QPCTL: variants seen among roughly 807,000 people sequenced by gnomAD.
QPCTL encodes glutaminyl-peptide cyclotransferase-like protein.
Under a neutral mutation model 34.6 loss-of-function variants are expected in QPCTL, and 31 were observed. The ratio of observed to expected loss-of-function variants is 0.90; its 90% CI spans 0.67 to 1.21. QPCTL has a LOEUF of 1.21. QPCTL is among the 50% of genes most tolerant of loss of function. The pLI, the probability that QPCTL is intolerant of heterozygous loss-of-function variation, is 0.00. For missense variants in QPCTL, 474 were observed against 507.8 expected, an observed-to-expected ratio of 0.93 and a Z score of 0.64; for synonymous variants, 223 against 226.9, an observed-to-expected ratio of 0.98 and a Z score of 0.15.
intron 3 of QPCTL, among the ~76,000 whole-genome samples, chr19:45,696,909 G>A (rs1967708018): frequency 6.6e-6 from 1 of 150,678 alleles, no homozygotes; most frequent in Admixed American, 6.6e-5. Flanking sequence ...GATCATTTGA[G>A]GTCAGAAGTT....
intron 3 of QPCTL, among the ~76,000 whole-genome samples, chr19:45,696,085 C>G (rs564599417): frequency 6.6e-5 from 10 of 151,976 alleles, no homozygotes; most frequent in Non-Finnish European, 1.3e-4. Flanking sequence ...TCCTCTCCCC[C>G]AAACCCTCCC....
Position 45,703,178 on chromosome 19 carries a change from CT to C in QPCTL, c.*130del. 5 of 1,191,038 alleles carry C rather than the reference CT, an allele frequency of 4.2e-6. No individual in the cohort carries two copies. Among genetic ancestry groups the C allele is most frequent in the Non-Finnish European group, 5.9e-6 (5 of 847,508 alleles). The allele number at this position is 1,191,038 out of a possible 1,614,324, so 73.8% of individuals were successfully genotyped here. ...TTCATACCTTTGTCTCCTAATTGTGCTACAATTGGAAGACCTTCTTTCTTTT... is the reference window on the plus strand; with the variant it reads ...TTCATACCTTTGTCTCCTAATTGTGCACAATTGGAAGACCTTCTTTCTTTT... On this transcript the variant is annotated 3_prime_UTR_variant, in exon 7 of 7. Transcript: ENST00000012049.
chr19:45,699,033 T>C, intron 5 of QPCTL, 133 bp downstream of exon 5: 1 of 279,534 alleles, frequency 3.6e-6, no homozygotes, highest in South Asian at 7.9e-5. Context: ...GACCCCATCT[T>C]TTTTTTTTTT....
chr19:45,696,700 C>A (rs560122011), intron 3 of QPCTL, among the ~76,000 whole-genome samples: 38 of 151,176 alleles, frequency 2.5e-4, no homozygotes, highest in Non-Finnish European at 4.7e-4. Context: ...GATCGTGCCA[C>A]TGTATTCTAG....
chr19:45,701,427 C>A (rs947418804), intron 5 of QPCTL, among the ~76,000 whole-genome samples: 1 of 152,026 alleles, frequency 6.6e-6, no homozygotes, highest in African/African-American at 2.4e-5. Flanking sequence ...AGGCGCCCAC[C>A]ACCACACCCA....
chr19:45,693,621 G>T, intron 2 of QPCTL, 65 bp downstream of exon 2: 1 of 1,511,650 alleles, frequency 6.6e-7, no homozygotes, highest in South Asian at 1.3e-5. Context: ...TAAGAATCCT[G>T]TTCAAGATCC....
chr19:45,693,383 T>C (rs770778944), intron 1 of QPCTL, 30 bp from the exon 2 acceptor site: 14 of 1,588,016 alleles, frequency 8.8e-6, no homozygotes, highest in Non-Finnish European at 1.2e-5. Context: ...GCTCTCATTC[T>C]TCCCTTCCCT....
Position 45,692,929 on chromosome 19 carries a change from C to G in QPCTL, c.207+19C>G. 6.5e-7 allele frequency: 1 copy of G among 1,530,676 alleles called. No homozygotes were observed. The highest frequency in any genetic ancestry group is 8.7e-7 in the Non-Finnish European group (1 of 1,143,198). The allele number at this position is 1,530,676 out of a possible 1,614,324, so 94.8% of individuals were successfully genotyped here. A position where few individuals can be genotyped will look rare whatever the true frequency, so the allele number is the denominator to read the frequency against. Reference sequence around the variant, plus strand: ...GCTGCGGGTGAGGCTGGGCGGGGACCCGGGCACCGCGGGGACCCTCATTCC... The same window carrying G: ...GCTGCGGGTGAGGCTGGGCGGGGACGCGGGCACCGCGGGGACCCTCATTCC... On this transcript the variant is annotated intron_variant, in intron 1 of 6. Coordinates refer to ENST00000012049, the MANE Select transcript of QPCTL (RefSeq NM_017659.4).
At chr19:45,698,720 C>T in intron 4 of QPCTL, 21 bp downstream of exon 4, 1 of 1,613,842 alleles carries the variant, frequency 6.2e-7, no homozygotes, top group Non-Finnish European at 8.5e-7. Context: ...GGTCCCCTGG[C>T]TTCTGGCGAG....
At position 45,698,676 on chromosome 19, in the gene QPCTL, G is replaced by A. The variant is rs773016141; in HGVS notation, c.763G>A (p.Gly255Ser). ...QLMESIPHSPGPTRIQAIELF... is the reference protein window; with the variant it reads ...QLMESIPHSPSPTRIQAIELF... ...CATGGAGTCTATACCTCACAGCCCC[G>A]GCCCCACCAGGATCCAGGCTATTGT... is the stretch of plus-strand genomic sequence containing the variant. The change falls in exon 4 of 7, where the codon GGC (glycine) becomes AGC (serine). Residue 255 changes from glycine (G) to serine (S), a missense_variant. Gly to Ser is a moderately conservative substitution (Grantham distance 56). Coordinates refer to ENST00000012049, the MANE Select transcript of QPCTL (RefSeq NM_017659.4). 41 of 1,613,998 alleles carry A rather than the reference G, an allele frequency of 2.5e-5. No individual in the cohort carries two copies. Among genetic ancestry groups the A allele is most frequent in the Non-Finnish European group, 3.3e-5 (39 of 1,180,018 alleles).
At position 45,703,334 on chromosome 19, in the gene QPCTL, G is replaced by T; in HGVS notation, c.*285G>T. ...CAAAGGTTTGCAGGGACCAAATACT[G>T]TTCTTTTTTTTTTTGAGACGGAGTC... On this transcript the variant is annotated 3_prime_UTR_variant, in exon 7 of 7. Transcript: ENST00000012049. 6.1e-6 allele frequency: 2 copies of T among 329,372 alleles called. No individual in the cohort carries two copies. Among genetic ancestry groups the T allele is most frequent in the South Asian group, 4.2e-5 (1 of 24,080 alleles). The allele number at this position is 329,372 out of a possible 1,614,324, so 20.4% of individuals were successfully genotyped here. A position where few individuals can be genotyped will look rare whatever the true frequency, so the allele number is the denominator to read the frequency against.
intron 1 of QPCTL, among the ~76,000 whole-genome samples, 186 bp downstream of exon 1, chr19:45,693,096 G>A (rs1049909077): frequency 6.6e-6 from 1 of 152,192 alleles, no homozygotes; most frequent in African/African-American, 2.4e-5. Context: ...TTCCTTTTAA[G>A]AGGAAAGGTC....
intron 6 of QPCTL, among the ~76,000 whole-genome samples, 184 bp from the exon 7 acceptor site, chr19:45,702,720 C>T (rs1967833110): frequency 6.7e-6 from 1 of 150,256 alleles, no homozygotes; most frequent in South Asian, 2.1e-4. Flanking sequence ...GCCGAGATCA[C>T]GCCACTGCAC....
intron 1 of QPCTL, among the ~76,000 whole-genome samples, chr19:45,693,138 T>C (rs1348600398): frequency 6.6e-6 from 1 of 152,186 alleles, no homozygotes; most frequent in Non-Finnish European, 1.5e-5. Context: ...TTCAGGGTTC[T>C]ACGCCTTTAG....
chr19:45,692,771 TGCCGCCGAAGC>T lies in QPCTL; in HGVS notation c.75_85del (p.Lys26AlafsTer31). The T allele has an allele frequency of 6.3e-7, 1 of 1,591,280 alleles. No homozygotes were observed. The highest frequency in any genetic ancestry group is 1.1e-5 in the South Asian group (1 of 88,150). ...GAACGTGGCCTCATGGAGCCACTCT[TGCCGCCGAAGC>T]GCCGCCTGCTACCGCGGGTTCGGCT... On this transcript the variant is annotated frameshift_variant, in exon 1 of 7. Coordinates refer to ENST00000012049, the MANE Select transcript of QPCTL (RefSeq NM_017659.4). LOFTEE classifies it high-confidence loss of function.
intron 2 of QPCTL, 107 bp from the exon 3 acceptor site, chr19:45,695,330 G>C (rs989507468): frequency 1.0e-6 from 1 of 985,518 alleles, no homozygotes; most frequent in African/African-American, 1.6e-5. Flanking sequence ...AATCAGAGTG[G>C]GGCTTTAGTG....
At chr19:45,699,040 T>C in intron 5 of QPCTL, 140 bp downstream of exon 5, 2 of 659,480 alleles carry the variant, frequency 3.0e-6, no homozygotes, top group East Asian at 2.9e-5. Flanking sequence ...TCTTTTTTTT[T>C]TTTTTTTTTT....
intron 2 of QPCTL, among the ~76,000 whole-genome samples, chr19:45,694,590 C>G (rs967978820): frequency 4.6e-5 from 7 of 151,842 alleles, no homozygotes; most frequent in African/African-American, 1.5e-4. Flanking sequence ...CATGCTTCAG[C>G]CTCCTGAGTA....
chr19:45,693,418 A>C lies in QPCTL; in HGVS notation c.213A>C (p.Pro71=). 6.2e-7 allele frequency: 1 copy of C among 1,610,552 alleles called. No individual in the cohort carries two copies. The highest frequency in any genetic ancestry group is 1.3e-5 in the African/African-American group (1 of 74,908). The change falls in exon 2 of 7, where the codon CCA becomes CCC. Residue 71 remains proline, a synonymous_variant. Transcript: ENST00000012049. ...ELPLGRELRV[P]LIGSLPEARL... ...TATCCCACCTCCTTCCCAAGGTCCC[A>C]TTGATCGGAAGCCTCCCCGAAGCCC...
Sources: allele counts gnomAD v4.1 joint callset (sites outside exome capture counted in the v4.1 genomes callset), GRCh38; gene constraint gnomAD v4.1.1; transcripts MANE v1.5; gene names NCBI Gene and HGNC (gene_info 2026-07-23, HGNC 2026-07-21).